Variants in GPD2 observed in about 807,000 individuals in gnomAD.
The protein encoded by GPD2 is glycerol-3-phosphate dehydrogenase 2.
Under a neutral mutation model 82.4 loss-of-function variants are expected in GPD2, and 54 were observed. That is an observed-to-expected ratio of 0.66 (90% CI 0.53 to 0.82). The LOEUF is 0.82. Ranked by LOEUF, GPD2 falls within the 40% of genes least tolerant of loss-of-function variation. GPD2 has a pLI of 0.00. For synonymous variants in GPD2, 288 were observed against 306.1 expected, an observed-to-expected ratio of 0.94 and a Z score of 0.62; for missense variants, 748 against 896.2, an observed-to-expected ratio of 0.83 and a Z score of 2.11.
chr2:156,470,541 G>T (rs1221447392), intron 1 of GPD2, among the ~76,000 whole-genome samples: 1 of 152,192 alleles, frequency 6.6e-6, no homozygotes, highest in Non-Finnish European at 1.5e-5. Context: ...ATTTTGATAA[G>T]TAAGGCTTCT....
upstream of GPD2, among the ~76,000 whole-genome samples, chr2:156,431,208 C>G (rs890536284): frequency 5.9e-5 from 9 of 152,226 alleles, no homozygotes; most frequent in Admixed American, 2.0e-4. Context: ...AACATAGTTT[C>G]ATTCCAAATG....
chr2:156,510,714 C>G, intron 3 of GPD2, 82 bp from the exon 4 acceptor site: 2 of 1,134,584 alleles, frequency 1.8e-6, no homozygotes, highest in Non-Finnish European at 2.7e-6. Context: ...TTGTGATTGT[C>G]TCTACCCTGG....
rs371363678 is a variant in GPD2 at position 156,579,851 on chromosome 2, A to G, written c.2058+63A>G. 2,329 of 815,264 alleles carry G rather than the reference A, an allele frequency of 2.9e-3. 7 individuals carry two copies. The highest frequency in any genetic ancestry group is 0.011 in the Middle Eastern group (48 of 4,492). 50.5% of individuals were successfully genotyped at this position (815,264 alleles called of 1,614,324 possible). A position where few individuals can be genotyped will look rare whatever the true frequency, so the allele number is the denominator to read the frequency against. Reference sequence around the variant, plus strand: ...TATCTTTTGTTTGTCATGATCATAAATGCATGTTCAAGAATGGATATTTAA... The same window carrying G: ...TATCTTTTGTTTGTCATGATCATAAGTGCATGTTCAAGAATGGATATTTAA... On this transcript the variant is annotated intron_variant, in intron 16 of 16. Transcript: ENST00000438166.
chr2:156,513,185 A>G, intron 5 of GPD2, 148 bp from the exon 6 acceptor site: 1 of 711,632 alleles, frequency 1.4e-6, no homozygotes, highest in Non-Finnish European at 2.6e-6. Flanking sequence ...GGTTGGTGTC[A>G]AAAACAGTTG....
At chr2:156,483,034 G>A (rs142250734) in intron 2 of GPD2, among the ~76,000 whole-genome samples, 28 of 151,986 alleles carry the variant, frequency 1.8e-4, no homozygotes, top group African/African-American at 6.8e-4. Flanking sequence ...GAGCTCTAAC[G>A]AAGTAGTGCT....
intron 9 of GPD2, among the ~76,000 whole-genome samples, chr2:156,560,228 T>A (rs1192928815): frequency 2.0e-5 from 3 of 152,190 alleles, no homozygotes; most frequent in Non-Finnish European, 4.4e-5. Context: ...ACCCGTGAAG[T>A]GAGCGTGGGG....
chr2:156,438,225 A>C (rs1385614912), intron 1 of GPD2, among the ~76,000 whole-genome samples: 1 of 151,360 alleles, frequency 6.6e-6, no homozygotes, highest in Non-Finnish European at 1.5e-5. Flanking sequence ...CGGGGAGCCA[A>C]AGACTTTGGC....
chr2:156,520,256 GA>G (rs1685351804), intron 6 of GPD2, among the ~76,000 whole-genome samples: 1 of 152,142 alleles, frequency 6.6e-6, no homozygotes, highest in Non-Finnish European at 1.5e-5. Context: ...GGAAAACAGG[GA>G]TATGAAGTTC....
At chr2:156,545,513 A>G (rs1339908533) in intron 6 of GPD2, among the ~76,000 whole-genome samples, 2 of 152,196 alleles carry the variant, frequency 1.3e-5, no homozygotes, top group African/African-American at 4.8e-5. Context: ...GGCAGTTTTT[A>G]ATTGATGAAA....
At chr2:156,550,290 G>C (rs1336749626) in intron 7 of GPD2, among the ~76,000 whole-genome samples, 4 of 152,196 alleles carry the variant, frequency 2.6e-5, no homozygotes, top group Admixed American at 2.6e-4. Context: ...GAGTTTTCAG[G>C]AGAAAGCGGC....
chr2:156,551,333 G>A (rs1163000090), intron 8 of GPD2, among the ~76,000 whole-genome samples: 1 of 152,150 alleles, frequency 6.6e-6, no homozygotes, highest in Non-Finnish European at 1.5e-5. Context: ...CATTTAAGCT[G>A]GGTGATGGGT....
the GPD2 span, among the ~76,000 whole-genome samples, chr2:156,423,967 G>T: frequency 6.6e-6 from 1 of 152,192 alleles, no homozygotes; most frequent in African/African-American, 2.4e-5. Context: ...CAAAAGCCAC[G>T]CCAGGTGGCT....
intron 3 of GPD2, among the ~76,000 whole-genome samples, chr2:156,497,550 G>C (rs1684430234): frequency 1.3e-5 from 2 of 152,066 alleles, no homozygotes. Context: ...ATTCTTCTCA[G>C]ATCAATTAAA....
Position 156,583,154 on chromosome 2 carries a change from C to T in GPD2, c.*236C>T, listed in dbSNP as rs542546036. ...TATATTTTTTTCTTTTTCTCATTTT[C>T]AATGCACATTAGTTTTGCATCTGTT... On this transcript the variant is annotated 3_prime_UTR_variant, in exon 17 of 17. Coordinates refer to ENST00000438166, the MANE Select transcript of GPD2 (RefSeq NM_000408.5). The T allele has an allele frequency of 2.0e-6, 1 of 489,190 alleles. No homozygotes were observed. The highest frequency in any genetic ancestry group is 2.0e-5 in the African/African-American group (1 of 51,024). The allele number at this position is 489,190 out of a possible 1,614,324, so 30.3% of individuals were successfully genotyped here.
chr2:156,485,307 C>A (rs1261156842), intron 2 of GPD2, among the ~76,000 whole-genome samples: 1 of 152,142 alleles, frequency 6.6e-6, no homozygotes, highest in African/African-American at 2.4e-5. Flanking sequence ...GAGTCATAAG[C>A]TACCTGTTTT....
intron 10 of GPD2, 73 bp from the exon 11 acceptor site, chr2:156,569,290 A>G (rs1687516533): frequency 9.9e-7 from 1 of 1,010,302 alleles, no homozygotes; most frequent in Non-Finnish European, 1.6e-6. Flanking sequence ...GTTATTGGTA[A>G]GTTGATAAAT....
intron 1 of GPD2, among the ~76,000 whole-genome samples, chr2:156,439,274 T>C (rs1682057963): frequency 6.6e-6 from 1 of 151,862 alleles, no homozygotes; most frequent in Non-Finnish European, 1.5e-5. Context: ...TTTAACACAC[T>C]TGCTTAAAAA....
upstream of GPD2, among the ~76,000 whole-genome samples, chr2:156,431,910 A>G (rs1226536116): frequency 2.5e-5 from 3 of 119,062 alleles, no homozygotes; most frequent in Non-Finnish European, 4.9e-5. Context: ...TTTTTGAGAT[A>G]GAGTCTCGCC....
At chr2:156,574,569 G>C (rs2105371271) in intron 13 of GPD2, among the ~76,000 whole-genome samples, 1 of 151,884 alleles carries the variant, frequency 6.6e-6, no homozygotes, top group South Asian at 2.1e-4. Context: ...CATGTAAGTA[G>C]ACTGAGAGTC....
Sources: gnomAD v4.1 joint callset for allele counts (sites outside exome capture counted in the v4.1 genomes callset) on GRCh38, gnomAD v4.1.1 for gene constraint, MANE v1.5 for transcripts, NCBI Gene and HGNC (gene_info 2026-07-23, HGNC 2026-07-21) for gene names.